RALYL: variants seen among roughly 807,000 people sequenced by gnomAD.
RALYL encodes the protein RNA-binding Raly-like protein.
A neutral mutation model predicts 35.1 loss-of-function variants in RALYL; 29 were observed. That is an observed-to-expected ratio of 0.83 (90% CI 0.61 to 1.13). The LOEUF (loss-of-function observed/expected upper bound fraction) is 1.13. Among genes scored for constraint, RALYL ranks in the 50% most tolerant of loss-of-function variants. The pLI is 0.00. For synonymous variants in RALYL, 120 were observed against 127.6 expected (o/e 0.94, Z 0.40); for missense variants, 359 against 360.4 (o/e 1.00, Z 0.03).
At chr8:84,486,316 A>G (rs2054621761) in intron 1 of RALYL, among the ~76,000 whole-genome samples, 1 of 150,890 alleles carries the variant, frequency 6.6e-6, no homozygotes, top group East Asian at 1.9e-4. Context: ...TTCTTAGAAA[A>G]GCAAATAGTT....
chr8:84,588,599 T>A (rs943091960), intron 2 of RALYL, among the ~76,000 whole-genome samples: 1 of 152,094 alleles, frequency 6.6e-6, no homozygotes, highest in African/African-American at 2.4e-5. Context: ...TAATGCCAAG[T>A]GAGAATTATA....
At chr8:84,710,908 G>T (rs75707239) in intron 2 of RALYL, among the ~76,000 whole-genome samples, 11,254 of 152,122 alleles carry the variant, frequency 0.074, 1,011 homozygotes, top group African/African-American at 0.21. Flanking sequence ...AAATAAATAT[G>T]TAATATGCTA....
chr8:84,386,781 C>T (rs2131692545), intron 1 of RALYL, among the ~76,000 whole-genome samples: 1 of 151,978 alleles, frequency 6.6e-6, no homozygotes, highest in South Asian at 2.1e-4. Flanking sequence ...TCACTCTTTC[C>T]TACCTCCTCT....
chr8:84,737,751 A>G (rs547218047), intron 2 of RALYL, among the ~76,000 whole-genome samples: 2 of 152,044 alleles, frequency 1.3e-5, no homozygotes, highest in South Asian at 4.2e-4. Flanking sequence ...CAGATCCCTT[A>G]TGATGGGATT....
intron 2 of RALYL, among the ~76,000 whole-genome samples, chr8:84,564,135 A>G (rs2061630851): frequency 6.6e-6 from 1 of 151,702 alleles, no homozygotes; most frequent in South Asian, 2.1e-4. Context: ...TCTAACTTCA[A>G]TATCATTATA....
At position 84,850,020 on chromosome 8, in the gene RALYL, T is replaced by C. The variant is rs574483810; in HGVS notation, c.406T>C (p.Tyr136His). Residue 136 changes from tyrosine to histidine, a missense_variant, in exon 5 of 9, where the codon TAC (tyrosine) becomes CAC (histidine). By Grantham distance (83) the Tyr-to-His change is moderately conservative. Coordinates refer to ENST00000521268, the MANE Select transcript of RALYL (RefSeq NM_173848.7). ...CTATGATTACTACAGAGATGATTTC[T>C]ACAATCGGTATGTGAATTTTTCATC... ...FDYDYYRDDF[Y>H]NRLFDYHGRV... 2 of 1,476,338 alleles carry C rather than the reference T, an allele frequency of 1.4e-6. No homozygotes were observed. Among genetic ancestry groups the C allele is most frequent in the East Asian group, 2.6e-5 (1 of 38,892 alleles). The allele number at this position is 1,476,338 out of a possible 1,614,324, so 91.5% of individuals were successfully genotyped here. A position where few individuals can be genotyped will look rare whatever the true frequency, so the allele number is the denominator to read the frequency against.
intron 2 of RALYL, among the ~76,000 whole-genome samples, chr8:84,733,111 C>T (rs79310625): frequency 0.014 from 2,076 of 152,058 alleles, 23 homozygotes; most frequent in Non-Finnish European, 0.023. Flanking sequence ...AAAATGTGGC[C>T]CAGCATACTA....
intron 8 of RALYL, among the ~76,000 whole-genome samples, chr8:84,894,005 G>T (rs2135488909): frequency 6.6e-6 from 1 of 152,222 alleles, no homozygotes; most frequent in South Asian, 2.1e-4. Context: ...AGTCACCTGG[G>T]CTTACCAGGT....
chr8:84,420,982 A>T (rs2045492677), intron 1 of RALYL, among the ~76,000 whole-genome samples: 7 of 109,986 alleles, frequency 6.4e-5, no homozygotes, highest in Admixed American at 1.9e-4. Flanking sequence ...AGGTAGTGTG[A>T]TGCCTCCAGC....
chr8:84,766,634 G>T (rs1489474420), intron 2 of RALYL, among the ~76,000 whole-genome samples: 1 of 137,746 alleles, frequency 7.3e-6, no homozygotes, highest in African/African-American at 2.7e-5. Context: ...TGTGGCAGGA[G>T]AATAGCTTGA....
intron 1 of RALYL, among the ~76,000 whole-genome samples, chr8:84,239,890 C>G (rs1273665063): frequency 6.6e-6 from 1 of 151,760 alleles, no homozygotes; most frequent in Non-Finnish European, 1.5e-5. Flanking sequence ...GACTCCATCT[C>G]AAATAAATAA....
intron 1 of RALYL, among the ~76,000 whole-genome samples, chr8:84,208,828 A>G (rs1364251402): frequency 6.6e-6 from 1 of 152,136 alleles, no homozygotes; most frequent in African/African-American, 2.4e-5. Flanking sequence ...AGGGGTCACA[A>G]ACAAAGCGGA....
intron 1 of RALYL, among the ~76,000 whole-genome samples, chr8:84,230,819 A>C (rs536333128): frequency 6.6e-6 from 1 of 152,324 alleles, no homozygotes; most frequent in African/African-American, 2.4e-5. Flanking sequence ...ATGAGGAAAC[A>C]GCGTCTCATG....
chr8:84,184,736 G>GGC, intron 1 of RALYL: 1 of 414,566 alleles, frequency 2.4e-6, no homozygotes, highest in Non-Finnish European at 4.2e-6. Context: ...CGCCGGCCGG[G>GGC]CACTAGGCGG....
chr8:84,373,720 T>C (rs2131484043), intron 1 of RALYL, among the ~76,000 whole-genome samples: 1 of 152,200 alleles, frequency 6.6e-6, no homozygotes, highest in South Asian at 2.1e-4. Flanking sequence ...TGGATTCATA[T>C]TAATTTTAAA....
intron 2 of RALYL, among the ~76,000 whole-genome samples, chr8:84,607,417 T>A (rs893140105): frequency 1.3e-5 from 2 of 152,114 alleles, no homozygotes; most frequent in African/African-American, 4.8e-5. Context: ...AAACTGTGAG[T>A]TAGAGAAAAA....
At chr8:84,671,230 G>T (rs925936109) in intron 2 of RALYL, among the ~76,000 whole-genome samples, 1 of 152,194 alleles carries the variant, frequency 6.6e-6, no homozygotes, top group Non-Finnish European at 1.5e-5. Context: ...GTCTTGGCCA[G>T]CTCTGTCTCT....
At chr8:84,822,658 T>A (rs1473868587) in intron 4 of RALYL, among the ~76,000 whole-genome samples, 6 of 152,142 alleles carry the variant, frequency 3.9e-5, no homozygotes, top group Admixed American at 3.9e-4. Context: ...TTTAGTAAAA[T>A]ATTTAGACAT....
At chr8:84,515,307 A>G (rs188752938) in intron 1 of RALYL, among the ~76,000 whole-genome samples, 132 of 152,218 alleles carry the variant, frequency 8.7e-4, no homozygotes, top group African/African-American at 2.5e-3. Flanking sequence ...AAAAAGCTCT[A>G]TTTTCCTGTG....
Sources: gnomAD v4.1 joint callset for allele counts (sites outside exome capture counted in the v4.1 genomes callset) on GRCh38, gnomAD v4.1.1 for gene constraint, MANE v1.5 for transcripts, NCBI Gene and HGNC (gene_info 2026-07-23, HGNC 2026-07-21) for gene names.